Variants in ZNF251 observed in about 807,000 individuals in gnomAD.
ZNF251 encodes the protein zinc finger protein 251.
Under a neutral mutation model 13.5 loss-of-function variants are expected in ZNF251, and 14 were observed. The observed-to-expected ratio is 1.04, with a 90% confidence interval of 0.69 to 1.63. The LOEUF is 1.63. ZNF251 is among the 40% of genes most tolerant of loss of function. The probability of loss-of-function intolerance (pLI) is 0.00; values close to 1 mark genes in which losing one functional copy is unlikely to be tolerated. For missense variants in ZNF251, 764 were observed against 834.9 expected (o/e 0.92, Z 1.05); for synonymous variants, 287 against 295.2 (o/e 0.97, Z 0.28).
rs943106360 is a variant in ZNF251, at chr8:144,734,322, G to C, written c.278-10940C>G. ...TTGCAAATATCCATGCTTTGTCCCT[G>C]TGGCTGTCGGCCCTGTCCCCCAACT... On this transcript the variant is annotated intron_variant, in intron 4 of 4. Transcript: ENST00000292562. This position sits in a 1 kb window ranked among gnomAD's most constrained non-coding sequence, Gnocchi z 4.4. Among the ~76,000 whole-genome samples, 2 of 152,234 alleles carry C rather than the reference G, an allele frequency of 1.3e-5. No individual in the cohort carries two copies. Among genetic ancestry groups the C allele is most frequent in the African/African-American group, 4.8e-5 (2 of 41,466 alleles).
intron 4 of ZNF251, among the ~76,000 whole-genome samples, chr8:144,731,323 AGTGT>A (rs1243329213): frequency 6.6e-6 from 1 of 152,212 alleles, no homozygotes; most frequent in African/African-American, 2.4e-5. Context: ...CAGCTCCAAA[AGTGT>A]GTGTTTCCTC....
rs192030849 is a variant in ZNF251 at position 144,723,087 on chromosome 8, A to T, written c.573T>A (p.Asn191Lys). ...GAAGTCTAACAACATTTTGGTCCAG[A>T]TTCAAGTTTCTATCAAATGCACTAC... ...QECSAFDRNL[N>K]LDQNVVRLQR... Residue 191 changes from asparagine (N) to lysine (K), a missense_variant, in exon 5 of 5, where the codon AAT becomes AAA. Physicochemically the swap from Asn to Lys is moderately conservative, Grantham distance 94. Coordinates refer to ENST00000292562, the MANE Select transcript of ZNF251 (RefSeq NM_138367.2). 6.2e-7 allele frequency: 1 copy of T among 1,614,036 alleles called. No individual in the cohort carries two copies. Among genetic ancestry groups the T allele is most frequent in the Non-Finnish European group, 8.5e-7 (1 of 1,179,904 alleles).
At chr8:144,731,119 G>A (rs573438441) in intron 4 of ZNF251, among the ~76,000 whole-genome samples, 13 of 152,264 alleles carry the variant, frequency 8.5e-5, no homozygotes, top group South Asian at 2.1e-4. Flanking sequence ...CTACACTGAC[G>A]TCATCCACGG....
rs1823815331 is a variant in ZNF251, at chr8:144,734,370, T to C, written c.278-10988A>G. Among the ~76,000 whole-genome samples, 1 of 152,210 alleles carries C rather than the reference T, an allele frequency of 6.6e-6. No homozygotes were observed. The highest frequency in any genetic ancestry group is 2.4e-5 in the African/African-American group (1 of 41,456). On this transcript the variant is annotated intron_variant, in intron 4 of 4. Transcript: ENST00000292562. The surrounding 1 kb of genome is among the most constrained non-coding windows in gnomAD (Gnocchi z 4.4). The stretch of plus-strand genomic sequence containing the variant: ...ACTCCAGCGGGTGTCACGGGTCTAA[T>C]CCCTGGCACAAACCGGCTACGATTG...
chr8:144,742,681 C>T (rs1824219783), intron 4 of ZNF251, among the ~76,000 whole-genome samples: 1 of 152,188 alleles, frequency 6.6e-6, no homozygotes, highest in African/African-American at 2.4e-5. Context: ...CACCCTGCTT[C>T]TCTACTCCTT....
At chr8:144,729,089 G>GA (rs770516433) in intron 4 of ZNF251, among the ~76,000 whole-genome samples, 45,887 of 91,390 alleles carry the variant, frequency 0.5, 10,994 homozygotes, top group Non-Finnish European at 0.57. Flanking sequence ...TCCATCTATG[G>GA]AAAAAAAAAA....
Position 144,728,948 on chromosome 8 carries a change from C to A in ZNF251, c.278-5566G>T, listed in dbSNP as rs548450104. On this transcript the variant is annotated intron_variant, in intron 4 of 4. Coordinates refer to ENST00000292562, the MANE Select transcript of ZNF251 (RefSeq NM_138367.2). ...TACTAAAAATACAAAATTAGCCAGGCATGGTGGCGCGCGCCTGTAATCCCA... is the reference window on the plus strand; with the variant it reads ...TACTAAAAATACAAAATTAGCCAGGAATGGTGGCGCGCGCCTGTAATCCCA... Among the ~76,000 whole-genome samples, 12 of 151,756 alleles carry A rather than the reference C, an allele frequency of 7.9e-5. No homozygotes were observed. The South Asian group carries it at 2.3e-3, about 29-fold the overall frequency.
intron 4 of ZNF251, among the ~76,000 whole-genome samples, chr8:144,731,061 T>A (rs376148102): frequency 1.3e-5 from 2 of 152,260 alleles, no homozygotes; most frequent in South Asian, 4.1e-4. Context: ...TGCTTCCAGA[T>A]GATGGCTCCC....
At chr8:144,754,631 A>G (rs1466129237) in intron 2 of ZNF251, 65 bp downstream of exon 2, 5 of 1,552,326 alleles carry the variant, frequency 3.2e-6, no homozygotes, top group Non-Finnish European at 4.3e-6. Context: ...GCTCCAGAGG[A>G]GAGTAGCTTC....
chr8:144,755,193 G>A, intron 1 of ZNF251: 1 of 1,169,846 alleles, frequency 8.5e-7, no homozygotes. Flanking sequence ...CCCAGGCTCC[G>A]GGGAGAGGCC....
At chr8:144,725,783 C>A (rs567540778) in intron 4 of ZNF251, among the ~76,000 whole-genome samples, 4 of 152,324 alleles carry the variant, frequency 2.6e-5, no homozygotes, top group Admixed American at 2.6e-4. Context: ...GAAAACAAAA[C>A]TGAAGGCTGA....
At chr8:144,752,404 CAACT>C (rs1824740242) in intron 4 of ZNF251, among the ~76,000 whole-genome samples, 3 of 152,048 alleles carry the variant, frequency 2.0e-5, no homozygotes, top group Non-Finnish European at 4.4e-5. Context: ...AGGAAAACAC[CAACT>C]ATCTGGAAAT....
intron 4 of ZNF251, among the ~76,000 whole-genome samples, chr8:144,746,184 T>G (rs1427900872): frequency 6.6e-6 from 1 of 152,248 alleles, no homozygotes; most frequent in Non-Finnish European, 1.5e-5. Flanking sequence ...TTTGTTGAAT[T>G]TGTAATCATG....
chr8:144,728,429 C>T (rs973002922), intron 4 of ZNF251, among the ~76,000 whole-genome samples: 6 of 152,060 alleles, frequency 3.9e-5, no homozygotes, highest in Admixed American at 6.6e-5. Context: ...CTTGGGAGGC[C>T]GAGACGGGCG....
intron 4 of ZNF251, chr8:144,730,151 AGTGG>A (rs1823651245): frequency 1.0e-6 from 1 of 979,270 alleles, no homozygotes; most frequent in Non-Finnish European, 1.2e-6. Context: ...CAAACAGGGA[AGTGG>A]AGAGCCATGT....
rs1482947218 is a variant in ZNF251, at chr8:144,755,442, C to G, written c.-113G>C. The G allele has an allele frequency of 7.0e-6, 9 of 1,288,046 alleles. No homozygotes were observed. The highest frequency in any genetic ancestry group is 9.1e-6 in the Non-Finnish European group (9 of 988,826). 79.8% of individuals were successfully genotyped at this position (1,288,046 alleles called of 1,614,324 possible). ...CCCGGGGAAGCCACCGAGGAAGCGC[C>G]GAGGAGCTGCGCAGTCGCACCGAGC... On this transcript the variant is annotated 5_prime_UTR_variant, in exon 1 of 5. Transcript: ENST00000292562.
intron 3 of ZNF251, 122 bp from the exon 4 acceptor site, chr8:144,753,918 TG>T: frequency 1.2e-6 from 1 of 818,236 alleles, no homozygotes. Context: ...AGGGGGCCCG[TG>T]GGCTGAGACT....
At chr8:144,731,128 G>A (rs562277156) in intron 4 of ZNF251, among the ~76,000 whole-genome samples, 1 of 152,234 alleles carries the variant, frequency 6.6e-6, no homozygotes, top group South Asian at 2.1e-4. Context: ...CGTCATCCAC[G>A]GGATGCCTGG....
intron 4 of ZNF251, among the ~76,000 whole-genome samples, chr8:144,750,846 G>GT (rs58473905): frequency 0.54 from 76,110 of 141,102 alleles, 20,758 homozygotes; most frequent in East Asian, 0.71. Flanking sequence ...TCTCTCCAGA[G>GT]TTTTTTTTTT....
Sources: gnomAD v4.1 joint callset for allele counts (sites outside exome capture counted in the v4.1 genomes callset) on GRCh38, gnomAD v4.1.1 for gene constraint, Gnocchi (gnomAD v3.1) non-coding constraint, MANE v1.5 for transcripts, NCBI Gene and HGNC (gene_info 2026-07-23, HGNC 2026-07-21) for gene names.